ABCC9: variants seen among roughly 807,000 people sequenced by gnomAD.
ABCC9 encodes ATP binding cassette subfamily C member 9.
A neutral mutation model predicts 188.3 loss-of-function variants in ABCC9; 95 were observed. The ratio of observed to expected loss-of-function variants is 0.50; its 90% CI spans 0.43 to 0.60. ABCC9 has a LOEUF of 0.60. Ranked by LOEUF, ABCC9 falls within the 20% of genes least tolerant of loss-of-function variation. The pLI, the probability that ABCC9 is intolerant of heterozygous loss-of-function variation, is 0.00. For missense variants in ABCC9, 1,102 were observed against 1,876.3 expected, an observed-to-expected ratio of 0.59 and a Z score of 7.62; for synonymous variants, 659 against 652.7, an observed-to-expected ratio of 1.01 and a Z score of -0.15.
intron 2 of ABCC9, chr12:21,937,931 C>T (rs1475150851): frequency 6.6e-6 from 1 of 152,188 alleles, no homozygotes; most frequent in African/African-American, 2.4e-5. Flanking sequence ...TTTAACCTCA[C>T]TAGACCTAGT....
intron 13 of ABCC9, among the ~76,000 whole-genome samples, chr12:21,894,702 C>T (rs975513129): frequency 2.0e-5 from 3 of 152,134 alleles, no homozygotes; most frequent in African/African-American, 7.2e-5. Flanking sequence ...CTCGACCTCC[C>T]CAGGCTCAGG....
At chr12:21,840,555 G>A (rs1257399112) in intron 29 of ABCC9, among the ~76,000 whole-genome samples, 1 of 152,164 alleles carries the variant, frequency 6.6e-6, no homozygotes, top group Non-Finnish European at 1.5e-5. Flanking sequence ...GACCAAATGA[G>A]TATGTGATTA....
chr12:21,873,445 G>A (rs951295049), intron 17 of ABCC9, among the ~76,000 whole-genome samples: 3 of 151,836 alleles, frequency 2.0e-5, no homozygotes, highest in Non-Finnish European at 4.4e-5. Context: ...AAGACTTCTG[G>A]GCTTAGGGTC....
At chr12:21,875,973 A>G (rs957628410) in intron 16 of ABCC9, among the ~76,000 whole-genome samples, 1 of 151,940 alleles carries the variant, frequency 6.6e-6, no homozygotes, top group African/African-American at 2.4e-5. Flanking sequence ...AGTCCCAGCT[A>G]CTCGGGAGGC....
At chr12:21,922,882 C>T (rs1948886209) in intron 5 of ABCC9, 1 of 150,328 alleles carries the variant, frequency 6.7e-6, no homozygotes, top group Admixed American at 6.7e-5. Flanking sequence ...TAATTTATGA[C>T]TTCAAGAACT....
At chr12:21,933,373 A>G (rs1949361935) in intron 4 of ABCC9, among the ~76,000 whole-genome samples, 2 of 152,120 alleles carry the variant, frequency 1.3e-5, no homozygotes, top group Admixed American at 1.3e-4. Context: ...CCCTGAACTT[A>G]AAATAAAAGT....
intron 15 of ABCC9, among the ~76,000 whole-genome samples, chr12:21,886,042 T>C (rs1262177829): frequency 1.3e-5 from 2 of 152,174 alleles, no homozygotes; most frequent in African/African-American, 4.8e-5. Context: ...TGACTCACGG[T>C]GGAATAATGC....
intron 30 of ABCC9, among the ~76,000 whole-genome samples, chr12:21,834,708 A>G (rs959987669): frequency 6.6e-6 from 1 of 151,820 alleles, no homozygotes; most frequent in African/African-American, 2.4e-5. Flanking sequence ...CCTTTCATAT[A>G]TATATATCCA....
At chr12:21,931,217 G>T (rs547510947) in intron 4 of ABCC9, among the ~76,000 whole-genome samples, 1 of 152,126 alleles carries the variant, frequency 6.6e-6, no homozygotes, top group South Asian at 2.1e-4. Context: ...AACATTATCA[G>T]TGAGTTCTCA....
chr12:21,811,574 T>TC (rs927402533), intron 36 of ABCC9, among the ~76,000 whole-genome samples: 8 of 151,348 alleles, frequency 5.3e-5, no homozygotes, highest in South Asian at 4.2e-4. Context: ...ATGGTTGATA[T>TC]CCCCCCCGCC....
Position 21,933,876 on chromosome 12 carries a change from GC to G in ABCC9, c.189del (p.Trp63CysfsTer9). ...CTCAGGTTATGTCCCGGAAAATGAA[GC>G]CATGTGTTGTGGTGAATTTGTACTT... Reference protein sequence around the residue: ...SSKVQIHHNTWLHFPGHNLRW... With the variant: ...SSKVQIHHNTXLHFPGHNLRW... On this transcript the variant is annotated frameshift_variant, in exon 4 of 40. Transcript: ENST00000261200. LOFTEE classifies it high-confidence loss of function. 1 of 1,613,662 alleles carries G rather than the reference GC, an allele frequency of 6.2e-7. No individual in the cohort carries two copies. Among genetic ancestry groups the G allele is most frequent in the Non-Finnish European group, 8.5e-7 (1 of 1,179,676 alleles).
chr12:21,859,198 G>T (rs1945380588), intron 22 of ABCC9, among the ~76,000 whole-genome samples: 1 of 152,066 alleles, frequency 6.6e-6, no homozygotes, highest in Admixed American at 6.6e-5. Flanking sequence ...ACTGGAATGG[G>T]GTACTACGCT....
chr12:21,844,741 G>C lies in ABCC9; in HGVS notation c.3245+26C>G, dbSNP rs111598428. ...GCATATTTTTATTATTTTATGTGTGGGAGTGAGAAATAACCACTGTTTTAC... is the reference window on the plus strand; with the variant it reads ...GCATATTTTTATTATTTTATGTGTGCGAGTGAGAAATAACCACTGTTTTAC... On this transcript the variant is annotated intron_variant, in intron 27 of 39. Transcript: ENST00000261200. 2.2e-5 allele frequency: 35 copies of C among 1,611,926 alleles called. No homozygotes were observed. The African/African-American group carries it at 2.9e-4, about 14-fold the overall frequency.
chr12:21,889,017 A>T (rs1281994627), intron 14 of ABCC9, among the ~76,000 whole-genome samples: 4 of 152,186 alleles, frequency 2.6e-5, no homozygotes, highest in Non-Finnish European at 5.9e-5. Flanking sequence ...TTTTTTAAAA[A>T]TTTTATTTGA....
chr12:21,906,387 G>T (rs755825069), intron 11 of ABCC9, 99 bp from the exon 12 acceptor site: 110 of 1,248,292 alleles, frequency 8.8e-5, no homozygotes, highest in Middle Eastern at 2.7e-4. Context: ...CTTGATTTCA[G>T]ACTGGCCCTG....
chr12:21,877,998 G>T (rs1318931201), intron 16 of ABCC9, among the ~76,000 whole-genome samples: 2 of 51,512 alleles, frequency 3.9e-5, no homozygotes, highest in Non-Finnish European at 7.3e-5. Flanking sequence ...GATATTGAAG[G>T]TTTCAATGGT....
chr12:21,851,580 T>C (rs1307281318), intron 24 of ABCC9, among the ~76,000 whole-genome samples: 4 of 152,202 alleles, frequency 2.6e-5, no homozygotes, highest in Admixed American at 2.6e-4. Flanking sequence ...TGTAAAATTT[T>C]ATTTTTATTT....
At chr12:21,807,055 A>G (rs889527972) in intron 38 of ABCC9, among the ~76,000 whole-genome samples, 1 of 152,204 alleles carries the variant, frequency 6.6e-6, no homozygotes, top group Non-Finnish European at 1.5e-5. Context: ...AATATAGTAC[A>G]GTACCTCTCA....
chr12:21,860,921 G>C lies in ABCC9; in HGVS notation c.2424+50C>G, dbSNP rs1592093021. ...TATTAAAGATTAAAGACAACCAGAA[G>C]ACTTTTCTAGATTTTTGTTCATTGC... On this transcript the variant is annotated intron_variant, in intron 21 of 39. Transcript: ENST00000261200. 1.0e-5 allele frequency: 14 copies of C among 1,376,376 alleles called. No homozygotes were observed. In the East Asian group the frequency reaches 3.2e-4, roughly 32 times the overall value. 85.3% of individuals were successfully genotyped at this position (1,376,376 alleles called of 1,614,324 possible). A position where few individuals can be genotyped will look rare whatever the true frequency, so the allele number is the denominator to read the frequency against.
Sources: allele counts gnomAD v4.1 joint callset (sites outside exome capture counted in the v4.1 genomes callset), GRCh38; gene constraint gnomAD v4.1.1; transcripts MANE v1.5; gene names NCBI Gene and HGNC (gene_info 2026-07-23, HGNC 2026-07-21).